The following BIRC6 variants were observed in gnomAD, a reference collection of about 807,000 sequenced individuals.
BIRC6 encodes baculoviral IAP repeat containing 6.
A neutral mutation model predicts 503.3 loss-of-function variants in BIRC6; 98 were observed. The observed-to-expected ratio is 0.19, with a 90% CI of 0.17 to 0.23. BIRC6 has a LOEUF of 0.23. BIRC6 is among the 10% of genes least tolerant of loss of function. The pLI is 1.00. For missense variants in BIRC6, 5,360 were observed against 5,806.0 expected, an observed-to-expected ratio of 0.92 and a Z score of 2.50; for synonymous variants, 2,240 against 2,078.7, an observed-to-expected ratio of 1.08 and a Z score of -2.11.
intron 66 of BIRC6, among the ~76,000 whole-genome samples, chr2:32,576,895 AGTT>A (rs1410874556): frequency 1.3e-5 from 2 of 152,210 alleles, no homozygotes; most frequent in African/African-American, 4.8e-5. Flanking sequence ...AGAGATAAAA[AGTT>A]GTAGACTCAT....
chr2:32,364,361 T>C (rs1026503821), intron 1 of BIRC6, among the ~76,000 whole-genome samples: 3 of 152,228 alleles, frequency 2.0e-5, no homozygotes, highest in African/African-American at 7.2e-5. Flanking sequence ...TGCCTCAGCC[T>C]CCTGAGTAGC....
At chr2:32,507,924 C>T (rs2053972332) in intron 50 of BIRC6, 56 bp from the exon 51 acceptor site, 2 of 1,470,106 alleles carry the variant, frequency 1.4e-6, no homozygotes, top group South Asian at 2.8e-5. Flanking sequence ...TTTTAATAAA[C>T]TGTTCAATCT....
intron 61 of BIRC6, 51 bp from the exon 62 acceptor site, chr2:32,543,190 T>A (rs947756167): frequency 1.3e-6 from 2 of 1,526,658 alleles, no homozygotes; most frequent in African/African-American, 2.8e-5. Context: ...TTACTTTGAA[T>A]CTGATGTTGA....
intron 66 of BIRC6, among the ~76,000 whole-genome samples, chr2:32,590,136 A>G (rs909535088): frequency 6.6e-6 from 1 of 152,230 alleles, no homozygotes; most frequent in Non-Finnish European, 1.5e-5. Context: ...TCCTGGAGAT[A>G]CTAGAAGCAG....
intron 10 of BIRC6, among the ~76,000 whole-genome samples, chr2:32,418,668 C>T (rs1485685194): frequency 1.3e-5 from 2 of 152,172 alleles, no homozygotes; most frequent in Non-Finnish European, 2.9e-5. Context: ...TACTATTTTC[C>T]AGAAATGCAA....
At chr2:32,405,952 A>G (rs1558638164) in intron 8 of BIRC6, among the ~76,000 whole-genome samples, 1 of 152,194 alleles carries the variant, frequency 6.6e-6, no homozygotes, top group Non-Finnish European at 1.5e-5. Context: ...GGAGGTTTCC[A>G]TACCCTATTT....
intron 9 of BIRC6, among the ~76,000 whole-genome samples, chr2:32,412,419 C>T (rs2041982462): frequency 6.6e-6 from 1 of 151,994 alleles, no homozygotes; most frequent in African/African-American, 2.4e-5. Context: ...ATCCCTTGAA[C>T]CTGGGTGGCA....
rs1012120861 is a variant in BIRC6 at position 32,559,243 on chromosome 2, T to C, written c.13144+9762T>C. ...TGCATAAATCAGCAAACAGGCCCTT[T>C]TGAGGATTGGAAGGATAGTGACTTC... is the stretch of plus-strand genomic sequence containing the variant. On this transcript the variant is annotated intron_variant, in intron 65 of 73. Transcript: ENST00000421745. 3.9e-5 allele frequency among the ~76,000 whole-genome samples: 6 copies of C among 152,326 alleles called. No individual in the cohort carries two copies. In the East Asian group the frequency reaches 1.2e-3, roughly 29 times the overall value.
chr2:32,453,882 C>T lies in BIRC6; in HGVS notation c.4693C>T (p.Pro1565Ser). The T allele has an allele frequency of 5.0e-6, 8 of 1,613,436 alleles. No homozygotes were observed. Among genetic ancestry groups the T allele is most frequent in the Non-Finnish European group, 6.8e-6 (8 of 1,179,468 alleles). Residue 1565 changes from proline to serine, a missense_variant, in exon 23 of 74, where the codon CCT becomes TCT. Physicochemically the swap from Pro to Ser is moderately conservative, Grantham distance 74 (BLOSUM62 -1). Around this residue, in one of 16 missense-constraint regions of BIRC6, gnomAD observed 2,299 missense variants for 2,267.2 expected, o/e 1.01. Coordinates refer to ENST00000421745, the MANE Select transcript of BIRC6 (RefSeq NM_016252.4). ...TCTCACTGGACTTTTGGAAGTTGAA[C>T]CTCTGCACTTTACTTGTGTGTCAAC... ...TSLTGLLEVE[P>S]LHFTCVSTSD...
At chr2:32,500,627 A>T (rs1448823577) in intron 46 of BIRC6, among the ~76,000 whole-genome samples, 22 of 111,432 alleles carry the variant, frequency 2.0e-4, no homozygotes, top group African/African-American at 6.6e-4. Context: ...TTTTTTTGAG[A>T]TGAAGTCTTG....
intron 66 of BIRC6, among the ~76,000 whole-genome samples, chr2:32,586,224 C>G (rs374140065): frequency 6.6e-5 from 10 of 150,628 alleles, no homozygotes; most frequent in East Asian, 3.9e-4. Flanking sequence ...TGCCTAAATA[C>G]AACTTACTCT....
At position 32,501,898 on chromosome 2, in the gene BIRC6, A is replaced by T. The variant is rs930956367; in HGVS notation, c.9207+10A>T. On this transcript the variant is annotated intron_variant, in intron 47 of 73. Transcript: ENST00000421745. ...ATATATGGGCAGACAAGTAAGTTCA[A>T]GCCAACAACAGTTGCAGTGATTCAA... 1.2e-5 allele frequency: 19 copies of T among 1,589,730 alleles called. No individual in the cohort carries two copies. The highest frequency in any genetic ancestry group is 1.6e-5 in the Non-Finnish European group (19 of 1,171,924).
chr2:32,442,294 T>G (rs750101154), intron 18 of BIRC6, 30 bp from the exon 19 acceptor site: 198 of 1,610,162 alleles, frequency 1.2e-4, no homozygotes, highest in Non-Finnish European at 1.6e-4. Flanking sequence ...AAGTTCAGGA[T>G]GAGTCTAAAT....
chr2:32,383,687 A>G (rs538594422), intron 3 of BIRC6, among the ~76,000 whole-genome samples: 21 of 152,058 alleles, frequency 1.4e-4, no homozygotes, highest in African/African-American at 4.6e-4. Flanking sequence ...ACGGGCCACC[A>G]CACCTGGCTA....
intron 6 of BIRC6, among the ~76,000 whole-genome samples, chr2:32,400,053 C>T (rs976764704): frequency 1.3e-5 from 2 of 152,050 alleles, no homozygotes; most frequent in East Asian, 1.9e-4. Context: ...CTTGGCCCCC[C>T]GAAGTGCTGG....
intron 1 of BIRC6, among the ~76,000 whole-genome samples, chr2:32,359,931 A>G (rs2033779600): frequency 6.6e-6 from 1 of 152,140 alleles, no homozygotes; most frequent in African/African-American, 2.4e-5. Context: ...CCCAGTTCAG[A>G]TGATTGAGGA....
intron 15 of BIRC6, among the ~76,000 whole-genome samples, chr2:32,436,968 A>G (rs1261341638): frequency 1.4e-5 from 2 of 145,608 alleles, no homozygotes; most frequent in Admixed American, 1.4e-4. Flanking sequence ...AGCTTGCTGC[A>G]ACACCCGCCT....
Position 32,431,085 on chromosome 2 carries a change from C to A in BIRC6, c.3243C>A (p.Thr1081=), listed in dbSNP as rs150059343. The A allele has an allele frequency of 5.0e-6, 8 of 1,604,834 alleles. No homozygotes were observed. Among genetic ancestry groups the A allele is most frequent in the African/African-American group, 1.3e-5 (1 of 74,408 alleles). ...ATACTCGAACTTGGAAACTACAGAC[C>A]GACAGGTAAAAGATATTCCCAAGAT... ...AQHTRTWKLQ[T]DSNSWDEHVF... Residue 1081 remains threonine (T), a synonymous_variant, in exon 12 of 74, where the codon ACC becomes ACA. Transcript: ENST00000421745.
chr2:32,553,838 T>C (rs1559040960), intron 65 of BIRC6, among the ~76,000 whole-genome samples: 1 of 152,254 alleles, frequency 6.6e-6, no homozygotes, highest in Non-Finnish European at 1.5e-5. Context: ...GATGCTTTAA[T>C]AATTTGTTTC....
Sources: gnomAD v4.1 joint callset for allele counts (sites outside exome capture counted in the v4.1 genomes callset) on GRCh38, gnomAD v4.1.1 for gene constraint, gnomAD v4.1.1 regional missense constraint, MANE v1.5 for transcripts, NCBI Gene and HGNC (gene_info 2026-07-23, HGNC 2026-07-21) for gene names.